Variants in POLA1 observed in about 807,000 individuals in gnomAD.
POLA1 encodes DNA polymerase alpha 1, catalytic subunit.
POLA1 carries 15 observed loss-of-function variants against 124.0 expected under a neutral mutation model. The ratio of observed to expected loss-of-function variants is 0.12; its 90% CI spans 0.08 to 0.19. The LOEUF is 0.19. Ranked by LOEUF, POLA1 falls within the 10% of genes least tolerant of loss-of-function variation. The pLI is 1.00. For missense variants in POLA1, 886 were observed against 1,103.4 expected, an observed-to-expected ratio of 0.80 and a Z score of 2.79; for synonymous variants, 408 against 389.4, an observed-to-expected ratio of 1.05 and a Z score of -0.56.
intron 34 of POLA1, among the ~76,000 whole-genome samples, chrX:24,866,335 C>T (rs1408099620): frequency 8.9e-6 from 1 of 111,763 alleles, no homozygotes; most frequent in Non-Finnish European, 1.9e-5. Flanking sequence ...TGCTTCTGAC[C>T]GCTGGCTATT....
intron 34 of POLA1, among the ~76,000 whole-genome samples, chrX:24,851,992 C>T (rs911527704): frequency 4.4e-5 from 5 of 112,486 alleles, no homozygotes; most frequent in South Asian, 3.7e-4. Flanking sequence ...GCGCCCCAGG[C>T]GATGGCTGTT....
At chrX:24,922,462 A>G (rs2047632522) in intron 35 of POLA1, among the ~76,000 whole-genome samples, 1 of 111,530 alleles carries the variant, frequency 9.0e-6, no homozygotes, top group Non-Finnish European at 1.9e-5. Context: ...ATAGATGTCT[A>G]TTTTAACTTT....
intron 26 of POLA1, among the ~76,000 whole-genome samples, chrX:24,764,678 G>GCAAA (rs1431742297): frequency 8.9e-6 from 1 of 112,003 alleles, no homozygotes; most frequent in Non-Finnish European, 1.9e-5. Flanking sequence ...GTACAAAATG[G>GCAAA]CAAACAGTAT....
intron 35 of POLA1, among the ~76,000 whole-genome samples, chrX:24,928,774 T>TC (rs1014963074): frequency 1.6e-4 from 18 of 111,910 alleles, no homozygotes; most frequent in African/African-American, 5.5e-4. Flanking sequence ...TCCTTTTTTT[T>TC]CCCCCAGGAA....
intron 35 of POLA1, 40 bp downstream of exon 35, chrX:24,888,162 G>T: frequency 1.2e-6 from 1 of 864,196 alleles, no homozygotes; most frequent in Non-Finnish European, 1.7e-6. Flanking sequence ...GTAGAAGAGG[G>T]TAGAGGGCTG....
At chrX:24,760,166 C>A (rs778910825) in intron 26 of POLA1, among the ~76,000 whole-genome samples, 1 of 112,286 alleles carries the variant, frequency 8.9e-6, no homozygotes. Flanking sequence ...CTGGATAGTG[C>A]TTCTCTTAAG....
intron 18 of POLA1, among the ~76,000 whole-genome samples, chrX:24,736,488 C>G (rs968540075): frequency 1.8e-5 from 2 of 111,782 alleles, no homozygotes; most frequent in Non-Finnish European, 3.8e-5. Context: ...GAAACCTGGC[C>G]TGGCTTCAGG....
intron 16 of POLA1, among the ~76,000 whole-genome samples, chrX:24,733,112 T>G (rs990600437): frequency 8.9e-6 from 1 of 112,152 alleles, no homozygotes; most frequent in Non-Finnish European, 1.9e-5. Context: ...AAGCAGAGAT[T>G]AACTTGGCGA....
At chrX:24,732,702 A>G (rs1322934015) in intron 16 of POLA1, among the ~76,000 whole-genome samples, 1 of 93,742 alleles carries the variant, frequency 1.1e-5, no homozygotes, top group Non-Finnish European at 2.1e-5. Context: ...AGTCTATTTG[A>G]CATCTTTTTT....
intron 1 of POLA1, among the ~76,000 whole-genome samples, chrX:24,696,217 C>T (rs1269160494): frequency 8.9e-6 from 1 of 112,431 alleles, no homozygotes; most frequent in East Asian, 2.8e-4. Context: ...CTGTAAGCTG[C>T]AGGAACCAAC....
intron 26 of POLA1, among the ~76,000 whole-genome samples, chrX:24,783,077 T>C (rs573134277): frequency 2.7e-5 from 3 of 109,601 alleles, no homozygotes; most frequent in Non-Finnish European, 5.7e-5. Flanking sequence ...TAGATTCTTA[T>C]ATTGTTCCTT....
In POLA1 at chrX:24,714,587, G is replaced by A. The variant is rs1297567087; in HGVS notation, c.380G>A (p.Arg127Lys). ...KDGKARNKDK[R>K]NVKKLAVTKP... ...GGTAAAGCACGCAATAAAGACAAGAGGAATGTAAAGAAGCTCGCAGTGACA... is the reference window on the plus strand; with the variant it reads ...GGTAAAGCACGCAATAAAGACAAGAAGAATGTAAAGAAGCTCGCAGTGACA... Residue 127 changes from arginine to lysine, a missense_variant, in exon 5 of 37, where the codon AGG becomes AAG. By Grantham distance (26) the Arg-to-Lys change is conservative. This residue lies in a region of POLA1 where 337 missense variants were observed against 402.8 expected (regional missense o/e 0.84). Transcript: ENST00000379068. 2 of 1,197,907 alleles carry A rather than the reference G, an allele frequency of 1.7e-6. No homozygotes were observed. The highest frequency in any genetic ancestry group is 2.3e-6 in the Non-Finnish European group (2 of 885,301).
intron 32 of POLA1, among the ~76,000 whole-genome samples, chrX:24,831,142 G>A (rs1453047417): frequency 9.0e-6 from 1 of 111,574 alleles, no homozygotes; most frequent in Non-Finnish European, 1.9e-5. Context: ...GTTAGTTTTT[G>A]TCAGTAGACA....
chrX:24,856,202 C>T (rs965258017), intron 34 of POLA1, among the ~76,000 whole-genome samples: 1 of 111,895 alleles, frequency 8.9e-6, no homozygotes, highest in African/African-American at 3.2e-5. Context: ...CCTTTATAAG[C>T]ACACCCTCCT....
At chrX:24,824,826 A>G (rs958401731) in intron 31 of POLA1, among the ~76,000 whole-genome samples, 1 of 111,710 alleles carries the variant, frequency 9.0e-6, no homozygotes, top group African/African-American at 3.3e-5. Flanking sequence ...AAAGTTTTCA[A>G]CTGCTTTTTT....
intron 15 of POLA1, among the ~76,000 whole-genome samples, chrX:24,731,536 T>G (rs1427663336): frequency 2.7e-5 from 3 of 111,882 alleles, no homozygotes; most frequent in Admixed American, 9.5e-5. Context: ...TTCAGAGTGG[T>G]GGTGGTTGTC....
chrX:24,768,106 C>T (rs1932951081), intron 26 of POLA1, among the ~76,000 whole-genome samples: 1 of 112,209 alleles, frequency 8.9e-6, no homozygotes, highest in South Asian at 3.6e-4. Context: ...AGTGTTGTAT[C>T]TTCACAGTAC....
chrX:24,925,200 T>C (rs2047673182), intron 35 of POLA1, among the ~76,000 whole-genome samples: 1 of 111,532 alleles, frequency 9.0e-6, no homozygotes, highest in South Asian at 3.8e-4. Flanking sequence ...TGTTTGGGGG[T>C]ACGTTTTGGG....
intron 36 of POLA1, among the ~76,000 whole-genome samples, chrX:24,970,416 C>T (rs1275657312): frequency 1.8e-5 from 2 of 111,932 alleles, no homozygotes; most frequent in Non-Finnish European, 3.8e-5. Context: ...ATAATGAAAA[C>T]GCAAAAGCAA....
Sources: gnomAD v4.1 joint callset for allele counts (sites outside exome capture counted in the v4.1 genomes callset) on GRCh38, gnomAD v4.1.1 for gene constraint, gnomAD v4.1.1 regional missense constraint, MANE v1.5 for transcripts, NCBI Gene and HGNC (gene_info 2026-07-23, HGNC 2026-07-21) for gene names.